Variants in NRXN3 observed in about 807,000 individuals in gnomAD.
NRXN3 encodes neurexin 3.
NRXN3 carries 32 observed loss-of-function variants against 137.6 expected under a neutral mutation model. That is an observed-to-expected ratio of 0.23 (90% confidence interval 0.18 to 0.31). The LOEUF is 0.31. Among genes scored for constraint, NRXN3 ranks in the 10% least tolerant of loss-of-function variants. NRXN3 has a pLI of 1.00. For missense variants in NRXN3, 1,574 were observed against 2,062.5 expected, an observed-to-expected ratio of 0.76 and a Z score of 4.59; for synonymous variants, 798 against 784.5, an observed-to-expected ratio of 1.02 and a Z score of -0.29.
chr14:79,393,757 G>T (rs1024502173), intron 15 of NRXN3, among the ~76,000 whole-genome samples: 30 of 152,196 alleles, frequency 2.0e-4, no homozygotes, highest in African/African-American at 6.8e-4. Context: ...AGAGCTTGCA[G>T]TGAGCCCAGA....
intron 17 of NRXN3, among the ~76,000 whole-genome samples, chr14:79,673,488 A>G (rs959613281): frequency 2.0e-5 from 3 of 152,100 alleles, no homozygotes; most frequent in African/African-American, 7.2e-5. Flanking sequence ...GCTAGCAAAA[A>G]ATTTATATTG....
chr14:78,890,660 A>G (rs2099156366), intron 10 of NRXN3, among the ~76,000 whole-genome samples: 1 of 151,920 alleles, frequency 6.6e-6, no homozygotes, highest in African/African-American at 2.4e-5. Flanking sequence ...AGTTACAAAC[A>G]TAAGTAATAA....
chr14:78,220,655 T>C (rs2063753712), intron 1 of NRXN3, among the ~76,000 whole-genome samples: 1 of 151,992 alleles, frequency 6.6e-6, no homozygotes, highest in African/African-American at 2.4e-5. Flanking sequence ...GGCATGCTGC[T>C]GGGGGCAGGG....
chr14:78,879,027 G>A (rs899962313), intron 10 of NRXN3, among the ~76,000 whole-genome samples: 4 of 152,052 alleles, frequency 2.6e-5, no homozygotes, highest in Non-Finnish European at 1.5e-5. Context: ...TTACAAATTA[G>A]GAGATTTTTA....
intron 4 of NRXN3, among the ~76,000 whole-genome samples, chr14:78,337,009 G>C (rs1457862360): frequency 6.6e-6 from 1 of 152,070 alleles, no homozygotes; most frequent in African/African-American, 2.4e-5. Context: ...TAATTTTTTA[G>C]AATTTTCTAG....
intron 4 of NRXN3, among the ~76,000 whole-genome samples, chr14:78,589,764 T>C (rs564814408): frequency 6.6e-6 from 1 of 152,236 alleles, no homozygotes; most frequent in East Asian, 1.9e-4. Context: ...TGAGGAATTG[T>C]GTCTCAGGGG....
At chr14:79,648,224 T>C (rs1453114247) in intron 16 of NRXN3, among the ~76,000 whole-genome samples, 2 of 134,422 alleles carry the variant, frequency 1.5e-5, no homozygotes, top group Admixed American at 7.9e-5. Flanking sequence ...AACAGAAAAC[T>C]TGATGATAAA....
chr14:79,480,421 A>G (rs2096596865), intron 16 of NRXN3, among the ~76,000 whole-genome samples: 1 of 152,166 alleles, frequency 6.6e-6, no homozygotes, highest in Admixed American at 6.5e-5. Flanking sequence ...TTTCCTAAAT[A>G]CCATGAATGC....
chr14:79,216,017 T>C (rs2068446224), intron 15 of NRXN3, among the ~76,000 whole-genome samples: 1 of 152,164 alleles, frequency 6.6e-6, no homozygotes, highest in African/African-American at 2.4e-5. Flanking sequence ...GGCCAGAAAT[T>C]TGGACAGGGC....
At chr14:79,042,838 C>A (rs1348046991) in intron 15 of NRXN3, among the ~76,000 whole-genome samples, 1 of 151,984 alleles carries the variant, frequency 6.6e-6, no homozygotes, top group Admixed American at 6.6e-5. Context: ...GTCCTGCTGT[C>A]CTGGAAAGGG....
intron 15 of NRXN3, among the ~76,000 whole-genome samples, chr14:79,336,655 A>G (rs1002732529): frequency 6.6e-6 from 1 of 152,202 alleles, no homozygotes; most frequent in African/African-American, 2.4e-5. Flanking sequence ...CCCGAAGGCC[A>G]CAATAATAAA....
At chr14:78,801,597 C>T (rs7150456) in intron 8 of NRXN3, among the ~76,000 whole-genome samples, 11,047 of 152,176 alleles carry the variant, frequency 0.073, 580 homozygotes, top group Non-Finnish European at 0.11. Flanking sequence ...GCCCCTCCTT[C>T]GACACATAGG....
chr14:78,245,015 C>T (rs952629754), intron 2 of NRXN3, among the ~76,000 whole-genome samples: 9 of 152,344 alleles, frequency 5.9e-5, no homozygotes, highest in Middle Eastern at 3.4e-3. Flanking sequence ...GACTTACTCA[C>T]GGCTTAGATT....
intron 10 of NRXN3, among the ~76,000 whole-genome samples, chr14:78,857,664 T>C (rs190931951): frequency 6.6e-6 from 1 of 152,240 alleles, no homozygotes; most frequent in East Asian, 1.9e-4. Flanking sequence ...AAATAATTTA[T>C]ATTACTGGGG....
chr14:79,799,382 C>G (rs1036218078), intron 19 of NRXN3, among the ~76,000 whole-genome samples: 2 of 152,172 alleles, frequency 1.3e-5, no homozygotes, highest in East Asian at 3.9e-4. Context: ...TGCAGTCATA[C>G]TCATGCACTA....
At chr14:79,464,849 A>G (rs1157060380) in intron 15 of NRXN3, among the ~76,000 whole-genome samples, 1 of 152,186 alleles carries the variant, frequency 6.6e-6, no homozygotes, top group African/African-American at 2.4e-5. Flanking sequence ...AAACAGTGTT[A>G]AGATATAAAA....
chr14:79,741,004 C>G (rs1478679479), intron 19 of NRXN3, among the ~76,000 whole-genome samples: 1 of 151,798 alleles, frequency 6.6e-6, no homozygotes, highest in Non-Finnish European at 1.5e-5. Flanking sequence ...AGTATCTTAT[C>G]TCTTAAAATA....
At chr14:78,403,458 A>C (rs2092258730) in intron 4 of NRXN3, among the ~76,000 whole-genome samples, 1 of 152,172 alleles carries the variant, frequency 6.6e-6, no homozygotes, top group Admixed American at 6.5e-5. Context: ...AGTGATTCAC[A>C]CTGAGAAAAG....
chr14:78,458,838 T>C (rs2094833651), intron 4 of NRXN3, among the ~76,000 whole-genome samples: 1 of 152,190 alleles, frequency 6.6e-6, no homozygotes, highest in African/African-American at 2.4e-5. Context: ...GAGTGATACA[T>C]TGGAGCCATC....
Sources: allele counts gnomAD v4.1 joint callset (sites outside exome capture counted in the v4.1 genomes callset), GRCh38; gene constraint gnomAD v4.1.1; transcripts MANE v1.5; gene names NCBI Gene and HGNC (gene_info 2026-07-23, HGNC 2026-07-21).